Variants in TMEM132C observed in about 807,000 individuals in gnomAD.
TMEM132C encodes the protein protein phosphatase 1, regulatory subunit 152.
TMEM132C carries 29 observed loss-of-function variants against 61.4 expected under a neutral mutation model. The observed-to-expected ratio is 0.47, with a 90% CI of 0.35 to 0.64. TMEM132C has a LOEUF of 0.64. TMEM132C is among the 30% of genes least tolerant of loss of function. The pLI, the probability that TMEM132C is intolerant of heterozygous loss-of-function variation, is 0.00. For synonymous variants in TMEM132C, 656 were observed against 633.1 expected (o/e 1.04, Z -0.54); for missense variants, 1,408 against 1,476.9 (o/e 0.95, Z 0.76).
chr12:128,488,757 A>G (rs1871596115), intron 2 of TMEM132C, among the ~76,000 whole-genome samples: 1 of 152,038 alleles, frequency 6.6e-6, no homozygotes, highest in African/African-American at 2.4e-5. Flanking sequence ...CTAGAAAATG[A>G]CTTTCTTCAA....
intron 5 of TMEM132C, among the ~76,000 whole-genome samples, chr12:128,684,740 C>T (rs1298765677): frequency 6.6e-6 from 1 of 152,224 alleles, no homozygotes; most frequent in African/African-American, 2.4e-5. Context: ...AGAGCATAGA[C>T]ATTGTCTCAG....
chr12:128,392,064 TTC>T (rs34334973), intron 1 of TMEM132C, among the ~76,000 whole-genome samples: 35,370 of 130,190 alleles, frequency 0.27, 4,687 homozygotes, highest in South Asian at 0.41. Context: ...CTCTCTCTCT[TTC>T]TCTCTCTCTC....
At position 128,353,178 on chromosome 12, in the gene TMEM132C, C is replaced by T. The variant is rs77249320; in HGVS notation, c.86-61554C>T. 2.3e-3 allele frequency among the ~76,000 whole-genome samples: 343 copies of T among 152,314 alleles called. 4 individuals carry two copies. Among genetic ancestry groups the T allele is most frequent in the African/African-American group, 7.9e-3 (328 of 41,570 alleles). On this transcript the variant is annotated intron_variant, in intron 1 of 8. Transcript: ENST00000435159. ...TGAGACCAGGAGGAAATAATTCAAA[C>T]ACTGCTAATCATCCATGTTTATCAA... is the stretch of plus-strand genomic sequence containing the variant.
chr12:128,423,779 A>G (rs924667233), intron 2 of TMEM132C, among the ~76,000 whole-genome samples: 7 of 151,976 alleles, frequency 4.6e-5, no homozygotes, highest in African/African-American at 1.7e-4. Context: ...CACACCTGTA[A>G]TCCCAGAACT....
At position 128,439,509 on chromosome 12, in the gene TMEM132C, T is replaced by C. The variant is rs568831251; in HGVS notation, c.974+23889T>C. ...GACTTATTATCCAGGAAAAAGAAAT[T>C]GCCTAGTGTTTGACAGTGTTTTCAG... On this transcript the variant is annotated intron_variant, in intron 2 of 8. Transcript: ENST00000435159. 3.3e-5 allele frequency among the ~76,000 whole-genome samples: 5 copies of C among 152,332 alleles called. No homozygotes were observed. The South Asian group carries it at 1.0e-3, about 32-fold the overall frequency.
intron 2 of TMEM132C, among the ~76,000 whole-genome samples, chr12:128,470,205 T>G (rs1477527964): frequency 6.6e-6 from 1 of 152,170 alleles, no homozygotes; most frequent in Non-Finnish European, 1.5e-5. Flanking sequence ...TGATAAGAAC[T>G]GGAAGGGTCA....
At chr12:128,341,297 G>A (rs1872971390) in intron 1 of TMEM132C, among the ~76,000 whole-genome samples, 1 of 152,162 alleles carries the variant, frequency 6.6e-6, no homozygotes, top group Admixed American at 6.5e-5. Flanking sequence ...GGATGGAAAG[G>A]CAATGGGAAT....
intron 3 of TMEM132C, among the ~76,000 whole-genome samples, chr12:128,613,571 A>G (rs1876705881): frequency 6.6e-6 from 1 of 152,200 alleles, no homozygotes; most frequent in African/African-American, 2.4e-5. Flanking sequence ...TGCAGCCCCT[A>G]GCTTGATGGT....
chr12:128,444,904 A>T (rs1292408866), intron 2 of TMEM132C, among the ~76,000 whole-genome samples: 2 of 152,196 alleles, frequency 1.3e-5, no homozygotes, highest in African/African-American at 4.8e-5. Context: ...TTAAGAAATT[A>T]TATTTTTCAA....
At chr12:128,498,073 C>T (rs973250529) in intron 2 of TMEM132C, among the ~76,000 whole-genome samples, 1 of 152,134 alleles carries the variant, frequency 6.6e-6, no homozygotes, top group South Asian at 2.1e-4. Context: ...TGGGTGGGCT[C>T]ATTAGGATCT....
rs544492810 is a variant in TMEM132C at position 128,278,291 on chromosome 12, G to A, written c.85+10804G>A. ...AATTTTTGTAAACCTTTTGGGTCAC[G>A]ACACAGCCCCGGGTTACCATTTTCT... On this transcript the variant is annotated intron_variant, in intron 1 of 8. Transcript: ENST00000435159. This position sits in a 1 kb window ranked among gnomAD's most constrained non-coding sequence, Gnocchi z 4.2. 3.9e-5 allele frequency among the ~76,000 whole-genome samples: 6 copies of A among 152,248 alleles called. No individual in the cohort carries two copies. In the South Asian group the frequency reaches 1.2e-3, roughly 32 times the overall value.
intron 8 of TMEM132C, among the ~76,000 whole-genome samples, chr12:128,704,618 A>G (rs973535814): frequency 6.6e-6 from 1 of 152,178 alleles, no homozygotes; most frequent in African/African-American, 2.4e-5. Context: ...ATTGGTTCTG[A>G]CAGTGTTTCC....
intron 2 of TMEM132C, among the ~76,000 whole-genome samples, chr12:128,482,872 C>G (rs1321391600): frequency 2.6e-5 from 4 of 152,032 alleles, no homozygotes; most frequent in African/African-American, 9.7e-5. Context: ...GAGCAAGAGT[C>G]CAGCACATCC....
At chr12:128,600,173 G>A (rs1047830752) in intron 3 of TMEM132C, among the ~76,000 whole-genome samples, 1 of 152,052 alleles carries the variant, frequency 6.6e-6, no homozygotes, top group African/African-American at 2.4e-5. Context: ...TAGTAGAGAC[G>A]AGGTTTCACC....
intron 6 of TMEM132C, among the ~76,000 whole-genome samples, chr12:128,694,670 C>A (rs1215704872): frequency 6.6e-6 from 1 of 152,196 alleles, no homozygotes; most frequent in Admixed American, 6.5e-5. Flanking sequence ...GTCCCCCAGG[C>A]ACCAGGGCCT....
At chr12:128,286,346 C>T (rs1285450811) in intron 1 of TMEM132C, among the ~76,000 whole-genome samples, 1 of 152,154 alleles carries the variant, frequency 6.6e-6, no homozygotes, top group Admixed American at 6.5e-5. Context: ...GCCTCCAGGG[C>T]CCCTGCTTAG....
chr12:128,670,926 C>T (rs1954526022), intron 5 of TMEM132C, among the ~76,000 whole-genome samples: 1 of 152,126 alleles, frequency 6.6e-6, no homozygotes, highest in South Asian at 2.1e-4. Context: ...AAAAAAGCAA[C>T]AACCTTGTTT....
At chr12:128,579,692 C>T (rs988829998) in intron 3 of TMEM132C, among the ~76,000 whole-genome samples, 19 of 152,160 alleles carry the variant, frequency 1.2e-4, no homozygotes, top group African/African-American at 4.3e-4. Flanking sequence ...AAATGATGCA[C>T]GTGCTCTTTG....
chr12:128,397,566 G>A (rs1308522778), intron 1 of TMEM132C, among the ~76,000 whole-genome samples: 1 of 152,108 alleles, frequency 6.6e-6, no homozygotes, highest in Non-Finnish European at 1.5e-5. Flanking sequence ...CTTACTGTGG[G>A]TTTGCAATTT....
Sources: gnomAD v4.1 joint callset for allele counts (sites outside exome capture counted in the v4.1 genomes callset) on GRCh38, gnomAD v4.1.1 for gene constraint, Gnocchi (gnomAD v3.1) non-coding constraint, MANE v1.5 for transcripts, NCBI Gene and HGNC (gene_info 2026-07-23, HGNC 2026-07-21) for gene names.